Variants in GRID1 observed in about 807,000 individuals in gnomAD.
GRID1 encodes glutamate ionotropic receptor delta type subunit 1.
GRID1 carries 28 observed loss-of-function variants against 98.0 expected under a neutral mutation model. The ratio of observed to expected loss-of-function variants is 0.29; its 90% CI spans 0.21 to 0.39. The LOEUF (loss-of-function observed/expected upper bound fraction) is 0.39. Ranked by LOEUF, GRID1 falls within the 10% of genes least tolerant of loss-of-function variation. The probability of loss-of-function intolerance (pLI) is 1.00; values close to 1 mark genes in which losing one functional copy is unlikely to be tolerated. For synonymous variants in GRID1, 553 were observed against 538.5 expected, an observed-to-expected ratio of 1.03 and a Z score of -0.37; for missense variants, 1,111 against 1,340.5, an observed-to-expected ratio of 0.83 and a Z score of 2.67.
intron 2 of GRID1, among the ~76,000 whole-genome samples, chr10:86,315,202 T>C (rs963465701): frequency 2.0e-5 from 3 of 152,152 alleles, no homozygotes; most frequent in Non-Finnish European, 4.4e-5. Flanking sequence ...TGAAAGCACT[T>C]AGCACATTGC....
In GRID1 at chr10:85,724,409, C is replaced by A. The variant is rs768247766; in HGVS notation, c.1801G>T (p.Ala601Ser). The change falls in exon 11 of 16, where the codon GCT becomes TCT. Residue 601 changes from alanine to serine, a missense_variant. Physicochemically the swap from Ala to Ser is moderately conservative, Grantham distance 99. Around this residue, in one of 3 missense-constraint regions of GRID1, gnomAD observed 762 missense variants for 869.1 expected, o/e 0.88. Coordinates refer to ENST00000327946, the MANE Select transcript of GRID1 (RefSeq NM_017551.3). The stretch of plus-strand genomic sequence containing the variant: ...ATGGCGCTGTGCAGAGTGGCAGAAG[C>A]TGACGGCCTGGGCTGGGCAGCACTC... ...AQSAAQPRPS[A>S]SATLHSAIWI... 3 of 1,614,164 alleles carry A rather than the reference C, an allele frequency of 1.9e-6. No homozygotes were observed. The East Asian group carries it at 6.7e-5, about 36-fold the overall frequency.
At chr10:85,846,783 A>G (rs1000670147) in intron 8 of GRID1, among the ~76,000 whole-genome samples, 3 of 152,234 alleles carry the variant, frequency 2.0e-5, no homozygotes, top group Non-Finnish European at 4.4e-5. Flanking sequence ...AATGAATTTG[A>G]AAATTCCAGT....
At chr10:86,079,555 G>C (rs1325521398) in intron 4 of GRID1, among the ~76,000 whole-genome samples, 1 of 152,194 alleles carries the variant, frequency 6.6e-6, no homozygotes, top group Non-Finnish European at 1.5e-5. Flanking sequence ...GGTCCACTTT[G>C]AACACAGCTG....
intron 8 of GRID1, among the ~76,000 whole-genome samples, chr10:85,735,007 A>G (rs868202212): frequency 2.0e-5 from 3 of 152,288 alleles, no homozygotes; most frequent in African/African-American, 7.2e-5. Flanking sequence ...TTCAGTCAAT[A>G]AAAGCCAAAC....
intron 5 of GRID1, among the ~76,000 whole-genome samples, chr10:85,889,945 G>A (rs1307079988): frequency 6.6e-6 from 1 of 152,012 alleles, no homozygotes; most frequent in African/African-American, 2.4e-5. Flanking sequence ...ATATTCGGGG[G>A]TATATAATGA....
intron 8 of GRID1, among the ~76,000 whole-genome samples, chr10:85,750,526 A>C (rs3011698): frequency 0.42 from 63,939 of 152,096 alleles, 14,524 homozygotes; most frequent in East Asian, 0.74. Flanking sequence ...GTCCAATCTA[A>C]TAACATAAAA....
intron 12 of GRID1, among the ~76,000 whole-genome samples, chr10:85,718,762 G>A (rs532090071): frequency 3.3e-5 from 5 of 152,290 alleles, no homozygotes; most frequent in Non-Finnish European, 5.9e-5. Flanking sequence ...GATGGGAGGG[G>A]CTGCCATGAA....
intron 4 of GRID1, among the ~76,000 whole-genome samples, chr10:86,084,490 G>C (rs1466862080): frequency 6.6e-6 from 1 of 152,128 alleles, no homozygotes; most frequent in African/African-American, 2.4e-5. Flanking sequence ...TCCTCAAAAA[G>C]TTAAAAATAG....
At chr10:86,289,139 C>T (rs1446121432) in intron 2 of GRID1, among the ~76,000 whole-genome samples, 1 of 152,142 alleles carries the variant, frequency 6.6e-6, no homozygotes, top group Non-Finnish European at 1.5e-5. Flanking sequence ...CCAATGGACC[C>T]CCAGTGCTGG....
intron 2 of GRID1, among the ~76,000 whole-genome samples, chr10:86,248,166 T>C (rs983427923): frequency 6.6e-6 from 1 of 152,182 alleles, no homozygotes; most frequent in Non-Finnish European, 1.5e-5. Flanking sequence ...AGGCAGACGG[T>C]GCAGACACAG....
chr10:85,625,166 C>T (rs1842897546), intron 13 of GRID1, among the ~76,000 whole-genome samples: 1 of 152,312 alleles, frequency 6.6e-6, no homozygotes, highest in East Asian at 1.9e-4. Context: ...TGATAATTTT[C>T]TAAACAAGTG....
At chr10:86,243,162 C>T (rs139422274) in intron 2 of GRID1, among the ~76,000 whole-genome samples, 337 of 152,256 alleles carry the variant, frequency 2.2e-3, no homozygotes, top group African/African-American at 7.6e-3. Flanking sequence ...GAACCCGATG[C>T]AGGTGTGGGT....
intron 3 of GRID1, among the ~76,000 whole-genome samples, chr10:86,150,896 T>C (rs1845158811): frequency 6.6e-6 from 1 of 152,200 alleles, no homozygotes; most frequent in South Asian, 2.1e-4. Context: ...CACCTTGATC[T>C]TGGACTTCTC....
intron 12 of GRID1, among the ~76,000 whole-genome samples, chr10:85,679,984 G>A (rs575967269): frequency 1.3e-5 from 2 of 152,280 alleles, no homozygotes; most frequent in African/African-American, 4.8e-5. Context: ...TGAGGCCGTG[G>A]GCAGGGCATC....
intron 4 of GRID1, among the ~76,000 whole-genome samples, chr10:86,042,765 G>A (rs537197080): frequency 7.2e-5 from 11 of 152,098 alleles, no homozygotes; most frequent in Non-Finnish European, 1.6e-4. Flanking sequence ...CCAACACAGA[G>A]AAAAAACTTT....
At chr10:85,857,600 T>C (rs1590268137) in intron 6 of GRID1, among the ~76,000 whole-genome samples, 1 of 152,102 alleles carries the variant, frequency 6.6e-6, no homozygotes, top group Admixed American at 6.5e-5. Context: ...TCAGTCAGGT[T>C]TGTGGCCCCC....
intron 4 of GRID1, among the ~76,000 whole-genome samples, chr10:85,949,600 T>G (rs1424387823): frequency 6.6e-6 from 1 of 152,226 alleles, no homozygotes; most frequent in Non-Finnish European, 1.5e-5. Flanking sequence ...ACATTGTTTG[T>G]GCTCTGATGA....
chr10:86,142,017 G>A (rs1029898734), intron 3 of GRID1, among the ~76,000 whole-genome samples: 11 of 152,228 alleles, frequency 7.2e-5, no homozygotes, highest in African/African-American at 1.9e-4. Flanking sequence ...TAAACTTGAC[G>A]CAAACAGAGG....
chr10:85,988,672 G>A (rs142787474), intron 4 of GRID1, among the ~76,000 whole-genome samples: 1 of 152,322 alleles, frequency 6.6e-6, no homozygotes, highest in East Asian at 1.9e-4. Flanking sequence ...CGGGGTGGCT[G>A]AGCCACAGGT....
Sources: gnomAD v4.1 joint callset for allele counts (sites outside exome capture counted in the v4.1 genomes callset) on GRCh38, gnomAD v4.1.1 for gene constraint, gnomAD v4.1.1 regional missense constraint, MANE v1.5 for transcripts, NCBI Gene and HGNC (gene_info 2026-07-23, HGNC 2026-07-21) for gene names.